GRAMD1B: variants seen among roughly 807,000 people sequenced by gnomAD.
GRAMD1B encodes the protein protein Aster-B.
In GRAMD1B, 37 loss-of-function variants were observed where a neutral mutation model predicts 99.7. The ratio of observed to expected loss-of-function variants is 0.37; its 90% CI spans 0.29 to 0.49. GRAMD1B has a LOEUF of 0.49. GRAMD1B is among the 20% of genes least tolerant of loss of function. The probability of loss-of-function intolerance (pLI) is 0.98; values close to 1 mark genes in which losing one functional copy is unlikely to be tolerated. For missense variants in GRAMD1B, 888 were observed against 1,009.2 expected, an observed-to-expected ratio of 0.88 and a Z score of 1.63; for synonymous variants, 427 against 387.6, an observed-to-expected ratio of 1.10 and a Z score of -1.19.
Position 123,605,541 on chromosome 11 carries a change from T to A in GRAMD1B, c.1323+63T>A. ...TGTGGCCAGCGTTTCCTAGCATAGT[T>A]CACTGGGAACCCAATCTGGGGAGCA... On this transcript the variant is annotated intron_variant, in intron 10 of 19. Coordinates refer to ENST00000635736, the MANE Select transcript of GRAMD1B (RefSeq NM_001387025.1). The A allele has an allele frequency of 4.4e-6, 6 of 1,354,330 alleles. No homozygotes were observed. In the South Asian group the frequency reaches 8.8e-5, roughly 20 times the overall value. 83.9% of individuals were successfully genotyped at this position (1,354,330 alleles called of 1,614,324 possible).
At position 123,498,169 on chromosome 11, in the gene GRAMD1B, C is replaced by G. The variant is rs1485744869; in HGVS notation, c.452+17276C>G. Among the ~76,000 whole-genome samples, 3 of 152,212 alleles carry G rather than the reference C, an allele frequency of 2.0e-5. No individual in the cohort carries two copies. The East Asian group carries it at 5.8e-4, about 29-fold the overall frequency. On this transcript the variant is annotated intron_variant, in intron 2 of 19. Coordinates refer to ENST00000635736, the MANE Select transcript of GRAMD1B (RefSeq NM_001387025.1). Reference sequence around the variant, plus strand: ...CTGGTCCAGAGCAGGTCCAGAAATGCTGACCACGAGCCTTGAACTGGACCT... The same window carrying G: ...CTGGTCCAGAGCAGGTCCAGAAATGGTGACCACGAGCCTTGAACTGGACCT...
intron 2 of GRAMD1B, among the ~76,000 whole-genome samples, chr11:123,567,470 T>G: frequency 6.6e-6 from 1 of 152,228 alleles, no homozygotes; most frequent in Non-Finnish European, 1.5e-5. Flanking sequence ...CTCTTTGAAA[T>G]ATCCTTTGAG....
intron 2 of GRAMD1B, among the ~76,000 whole-genome samples, chr11:123,522,498 TAATAG>T (rs1942286380): frequency 6.6e-6 from 1 of 152,162 alleles, no homozygotes; most frequent in Admixed American, 6.5e-5. Context: ...TTTGTATTTT[TAATAG>T]AGACAGGCTT....
rs569465426 is a variant in GRAMD1B, at chr11:123,537,526, A to G, written c.453-39841A>G. Among the ~76,000 whole-genome samples, 139 of 152,342 alleles carry G rather than the reference A, an allele frequency of 9.1e-4. 1 individual carries two copies. Among genetic ancestry groups the G allele is most frequent in the African/African-American group, 2.5e-3 (106 of 41,582 alleles). Reference sequence around the variant, plus strand: ...AGGTGATCTGCTGTGCTGGTTGCACATTATTTTCCTCAGGCTTCTTCTCGA... The same window carrying G: ...AGGTGATCTGCTGTGCTGGTTGCACGTTATTTTCCTCAGGCTTCTTCTCGA... On this transcript the variant is annotated intron_variant, in intron 2 of 19. Transcript: ENST00000635736.
chr11:123,602,900 A>G (rs891378129), intron 8 of GRAMD1B, among the ~76,000 whole-genome samples: 3 of 152,200 alleles, frequency 2.0e-5, no homozygotes, highest in Non-Finnish European at 2.9e-5. Context: ...CTGTCCAGCT[A>G]TGGAATGGGC....
At position 123,420,761 on chromosome 11, in the gene GRAMD1B, G is replaced by A. The variant is rs1948405415; in HGVS notation, c.-175-60055G>A. Among the ~76,000 whole-genome samples the A allele has an allele frequency of 2.0e-5, 3 of 152,340 alleles. 1 individual carries two copies. The South Asian group carries it at 6.2e-4, about 32-fold the overall frequency. On this transcript the variant is annotated intron_variant, in intron 1 of 20. Transcript: ENST00000638157. Reference sequence around the variant, plus strand: ...GCAATAGTGAAGTGGAGAAAACACTGGTTTGGGATTCAGAATACCTGGGTT... The same window carrying A: ...GCAATAGTGAAGTGGAGAAAACACTAGTTTGGGATTCAGAATACCTGGGTT...
intron 1 of GRAMD1B, among the ~76,000 whole-genome samples, chr11:123,420,375 T>A (rs1288334581): frequency 6.6e-6 from 1 of 152,116 alleles, no homozygotes; most frequent in Non-Finnish European, 1.5e-5. Context: ...TGGGTAAAAA[T>A]GATAAAGTAG....
Position 123,594,858 on chromosome 11 carries a change from CCCTTGGGCTGTCT to C in GRAMD1B, c.873+27_873+39del. ...ACTCTGGTAAAGACCTGGGCATGCT[CCCTTGGGCTGTCT>C]CCTTGGCTATGGCTGAGCAAGCTGC... On this transcript the variant is annotated intron_variant, in intron 6 of 19. Coordinates refer to ENST00000635736, the MANE Select transcript of GRAMD1B (RefSeq NM_001387025.1). The C allele has an allele frequency of 7.8e-7, 1 of 1,287,736 alleles. No homozygotes were observed. The highest frequency in any genetic ancestry group is 1.1e-6 in the Non-Finnish European group (1 of 881,728). The allele number at this position is 1,287,736 out of a possible 1,614,324, so 79.8% of individuals were successfully genotyped here.
intron 1 of GRAMD1B, among the ~76,000 whole-genome samples, chr11:123,450,479 G>T (rs997469314): frequency 2.0e-5 from 3 of 152,156 alleles, no homozygotes; most frequent in African/African-American, 7.2e-5. Context: ...GCCCTACAGG[G>T]GCTTCTCTAG....
At chr11:123,609,960 T>G (rs930286433) in intron 13 of GRAMD1B, 47 bp downstream of exon 13, 28 of 1,119,086 alleles carry the variant, frequency 2.5e-5, no homozygotes, top group Non-Finnish European at 3.5e-5. Context: ...GAAAATCCTG[T>G]GTTCTGTCTT....
chr11:123,462,890 T>TAAAAAAAAAAAAAAAAAA (rs55643501), intron 1 of GRAMD1B, among the ~76,000 whole-genome samples: 34 of 122,904 alleles, frequency 2.8e-4, no homozygotes, highest in East Asian at 4.8e-4. Context: ...AAAAAATAAA[T>TAAAAAAAAAAAAAAAAAA]TAAAAAAAAA....
Position 123,599,084 on chromosome 11 carries a change from C to T in GRAMD1B, c.970-1384C>T. The T allele has an allele frequency of 4.3e-6, 4 of 938,530 alleles. No individual in the cohort carries two copies. In the South Asian group the frequency reaches 5.2e-5, roughly 12 times the overall value. The allele number at this position is 938,530 out of a possible 1,614,324, so 58.1% of individuals were successfully genotyped here. On this transcript the variant is annotated intron_variant, in intron 7 of 19. Transcript: ENST00000635736. ...CTGTGAACTCCACCGAGTTTTGTGC[C>T]TCTTCACTTGGATTCTCTCGAGCCT...
intron 2 of GRAMD1B, among the ~76,000 whole-genome samples, chr11:123,520,489 A>AG (rs1444623197): frequency 6.6e-6 from 1 of 151,926 alleles, no homozygotes; most frequent in African/African-American, 2.4e-5. Context: ...AATAATATAT[A>AG]GGGGGGCGCG....
chr11:123,418,840 C>T (rs1226522121), intron 1 of GRAMD1B, among the ~76,000 whole-genome samples: 2 of 152,310 alleles, frequency 1.3e-5, no homozygotes, highest in African/African-American at 4.8e-5. Context: ...CCTGTCCCTC[C>T]ACCATCATTT....
At chr11:123,536,589 A>T (rs1214754127) in intron 2 of GRAMD1B, among the ~76,000 whole-genome samples, 3 of 151,888 alleles carry the variant, frequency 2.0e-5, no homozygotes, top group African/African-American at 7.3e-5. Context: ...TTTTTGTTTT[A>T]TATTTAGCAC....
chr11:123,376,424 G>A (rs113986523), intron 1 of GRAMD1B, among the ~76,000 whole-genome samples: 18 of 152,274 alleles, frequency 1.2e-4, no homozygotes, highest in African/African-American at 3.9e-4. Context: ...CCTCTTCTCC[G>A]TTGTTAATAT....
intron 4 of GRAMD1B, among the ~76,000 whole-genome samples, chr11:123,584,533 G>A (rs1399728795): frequency 7.1e-6 from 1 of 140,648 alleles, no homozygotes; most frequent in Non-Finnish European, 1.5e-5. Flanking sequence ...GCATTCAGGG[G>A]ACCAAGGAGG....
chr11:123,468,385 G>GA (rs1434178843), intron 1 of GRAMD1B, among the ~76,000 whole-genome samples: 1 of 152,004 alleles, frequency 6.6e-6, no homozygotes, highest in Non-Finnish European at 1.5e-5. Context: ...ACTGTGGGTG[G>GA]AAAAAAATGA....
intron 2 of GRAMD1B, among the ~76,000 whole-genome samples, chr11:123,488,401 G>A (rs534436501): frequency 1.3e-5 from 2 of 152,238 alleles, no homozygotes; most frequent in African/African-American, 2.4e-5. Context: ...TCTCCAGGCC[G>A]GGCATTTGGG....
Sources: allele counts gnomAD v4.1 joint callset (sites outside exome capture counted in the v4.1 genomes callset), GRCh38; gene constraint gnomAD v4.1.1; transcripts MANE v1.5; gene names NCBI Gene and HGNC (gene_info 2026-07-23, HGNC 2026-07-21).